The following GDA variants were observed in gnomAD, a reference collection of about 807,000 sequenced individuals.
The protein encoded by GDA is cytoplasmic PSD-95 interactor.
A neutral mutation model predicts 59.6 loss-of-function variants in GDA; 18 were observed. That is an observed-to-expected ratio of 0.30 (90% CI 0.21 to 0.45). The LOEUF is 0.45. GDA is among the 20% of genes least tolerant of loss of function. The pLI, the probability that GDA is intolerant of heterozygous loss-of-function variation, is 1.00. For missense variants in GDA, 427 were observed against 552.3 expected, an observed-to-expected ratio of 0.77 and a Z score of 2.27; for synonymous variants, 201 against 201.1, an observed-to-expected ratio of 1.00 and a Z score of 0.00.
intron 1 of GDA, among the ~76,000 whole-genome samples, chr9:72,125,298 T>TCTTCCTTC (rs1299404175): frequency 6.6e-6 from 1 of 151,568 alleles, no homozygotes; most frequent in African/African-American, 2.4e-5. Flanking sequence ...TTCCTTCCTT[T>TCTTCCTTC]CTTCCTTCCT....
intron 1 of GDA, among the ~76,000 whole-genome samples, chr9:72,141,034 T>G (rs980790572): frequency 2.0e-5 from 3 of 152,222 alleles, no homozygotes; most frequent in African/African-American, 7.2e-5. Context: ...TTTGGTAATA[T>G]GGACACTATG....
chr9:72,213,999 G>C lies in GDA; in HGVS notation c.578+8G>C. 7.0e-7 allele frequency: 1 copy of C among 1,433,768 alleles called. No homozygotes were observed. The highest frequency in any genetic ancestry group is 9.8e-7 in the Non-Finnish European group (1 of 1,015,738). 88.8% of individuals were successfully genotyped at this position (1,433,768 alleles called of 1,614,324 possible). A position where few individuals can be genotyped will look rare whatever the true frequency, so the allele number is the denominator to read the frequency against. ...GATCAAGGAAACTGAGAGGTAAAAG[G>C]CCCATTTGTCTTGATTTGTCTTACA... is the stretch of plus-strand genomic sequence containing the variant. On this transcript the variant is annotated splice_region_variant and intron_variant, in intron 5 of 13. Coordinates refer to ENST00000358399, the MANE Select transcript of GDA (RefSeq NM_004293.5).
intron 1 of GDA, among the ~76,000 whole-genome samples, chr9:72,176,483 A>G (rs1372403231): frequency 6.6e-6 from 1 of 152,140 alleles, no homozygotes; most frequent in Non-Finnish European, 1.5e-5. Context: ...AGAACACCAC[A>G]TGGGTGTTTG....
At position 72,118,342 on chromosome 9, in the gene GDA, G is replaced by A. The variant is rs375558779; in HGVS notation, c.-100+3509G>A. 2.7e-5 allele frequency among the ~76,000 whole-genome samples: 4 copies of A among 148,416 alleles called. No individual in the cohort carries two copies. In the South Asian group the frequency reaches 8.5e-4, roughly 31 times the overall value. ...CAAAGAAAGAAAATTAATTCCTTAC[G>A]TCTTTCTTTAGAACCACTAAATACC... On this transcript the variant is annotated intron_variant, in intron 1 of 13. Coordinates refer to the GDA transcript ENST00000545168.
chr9:72,196,012 G>A (rs564506384), intron 2 of GDA, among the ~76,000 whole-genome samples: 1 of 152,280 alleles, frequency 6.6e-6, no homozygotes, highest in South Asian at 2.1e-4. Flanking sequence ...GGGTATGATA[G>A]AGGTTAACTA....
At chr9:72,137,207 A>T (rs1453896900) in intron 1 of GDA, among the ~76,000 whole-genome samples, 3 of 45,916 alleles carry the variant, frequency 6.5e-5, no homozygotes, top group East Asian at 5.4e-4. Context: ...TAAATAAATT[A>T]AAAAAAAAAA....
Position 72,248,316 on chromosome 9 carries a change from G to A in GDA, c.1339G>A (p.Val447Met). 6.2e-6 allele frequency: 10 copies of A among 1,613,652 alleles called. No homozygotes were observed. The highest frequency in any genetic ancestry group is 8.5e-6 in the Non-Finnish European group (10 of 1,179,564). Residue 447 changes from valine (V) to methionine (M), a missense_variant, in exon 14 of 14, where the codon GTG (valine) becomes ATG (methionine). Transcript: ENST00000358399. ...AGAGGTTTATGTGGGCGGAAAGCAG[G>A]TGGTTCCGTTTTCCAGCTCAGTGTA... is the stretch of plus-strand genomic sequence containing the variant. ...IEEVYVGGKQVVPFSSSV is the reference protein window; with the variant it reads ...IEEVYVGGKQMVPFSSSV
chr9:72,183,055 T>C (rs761540114), intron 1 of GDA, among the ~76,000 whole-genome samples: 77 of 152,218 alleles, frequency 5.1e-4, no homozygotes, highest in Non-Finnish European at 1.0e-3. Flanking sequence ...TGTATTTTCC[T>C]TACCAGAGCC....
In GDA at chr9:72,245,253, G is replaced by A. The variant is rs1840024311; in HGVS notation, c.1241G>A (p.Gly414Glu). 1.2e-6 allele frequency: 2 copies of A among 1,611,572 alleles called. No individual in the cohort carries two copies. The highest frequency in any genetic ancestry group is 1.7e-6 in the Non-Finnish European group (2 of 1,177,840). The stretch of plus-strand genomic sequence containing the variant: ...GACTCTCCCATTGACCTGTTTTATG[G>A]GGACTTTTTTGGTGATATTTCTGAG... ...ASDSPIDLFY[G>E]DFFGDISEAV... The change falls in exon 12 of 14, where the codon GGG (glycine) becomes GAG (glutamate). Residue 414 changes from glycine to glutamate, a missense_variant. By Grantham distance (98) the Gly-to-Glu change is moderately conservative. Transcript: ENST00000358399.
At chr9:72,128,249 G>A (rs965739025) in intron 1 of GDA, among the ~76,000 whole-genome samples, 6 of 152,242 alleles carry the variant, frequency 3.9e-5, no homozygotes, top group South Asian at 2.1e-4. Flanking sequence ...CTTAGTGAAA[G>A]TGGCAAGTGT....
At chr9:72,214,498 G>T (rs1485420865) in intron 5 of GDA, among the ~76,000 whole-genome samples, 1 of 151,870 alleles carries the variant, frequency 6.6e-6, no homozygotes, top group African/African-American at 2.4e-5. Flanking sequence ...GTTTCACTAT[G>T]TTGGCTGGGC....
At chr9:72,120,609 G>A (rs1009829417) in intron 1 of GDA, among the ~76,000 whole-genome samples, 4 of 152,166 alleles carry the variant, frequency 2.6e-5, no homozygotes, top group Non-Finnish European at 5.9e-5. Context: ...CCATATCACT[G>A]CAGGTAAGAA....
chr9:72,125,603 A>G (rs2130593389), intron 1 of GDA, among the ~76,000 whole-genome samples: 1 of 152,356 alleles, frequency 6.6e-6, no homozygotes, highest in East Asian at 1.9e-4. Flanking sequence ...ACTATATGAT[A>G]TATTGTTATC....
chr9:72,123,507 G>A (rs992699874), intron 1 of GDA, among the ~76,000 whole-genome samples: 5 of 80,626 alleles, frequency 6.2e-5, no homozygotes, highest in African/African-American at 2.6e-4. Flanking sequence ...TTTTTTTTGA[G>A]ACAGAATTTC....
chr9:72,192,601 G>A (rs1231183718), intron 1 of GDA, among the ~76,000 whole-genome samples: 2 of 150,974 alleles, frequency 1.3e-5, no homozygotes, highest in Non-Finnish European at 1.5e-5. Flanking sequence ...AACACTCTGG[G>A]CCGGGCACAT....
chr9:72,229,453 A>G (rs1030921981), intron 9 of GDA, among the ~76,000 whole-genome samples: 21 of 152,304 alleles, frequency 1.4e-4, no homozygotes, highest in Middle Eastern at 3.4e-3. Flanking sequence ...GGAAGTTACC[A>G]CTGTGGGCTC....
intron 1 of GDA, among the ~76,000 whole-genome samples, chr9:72,117,611 T>C (rs1316990621): frequency 6.6e-6 from 1 of 152,196 alleles, no homozygotes; most frequent in African/African-American, 2.4e-5. Context: ...ATGCTCTCTT[T>C]CTGTGTTCAC....
chr9:72,234,335 T>G (rs1032796560), intron 10 of GDA, among the ~76,000 whole-genome samples: 3 of 152,198 alleles, frequency 2.0e-5, no homozygotes, highest in African/African-American at 4.8e-5. Context: ...TTAGTTTTTT[T>G]GCAAAATAGT....
At position 72,219,708 on chromosome 9, in the gene GDA, A is replaced by G. The variant is rs948394187; in HGVS notation, c.606+202A>G. 8.5e-5 allele frequency among the ~76,000 whole-genome samples: 13 copies of G among 152,344 alleles called. No homozygotes were observed. In the East Asian group the frequency reaches 1.5e-3, roughly 18 times the overall value. ...GACATTTTTAAAAAATTATCTTAAA[A>G]TATTTAATTGACAAAAATTGAATCC... On this transcript the variant is annotated intron_variant, in intron 6 of 13. Coordinates refer to ENST00000358399, the MANE Select transcript of GDA (RefSeq NM_004293.5).
Sources: allele counts gnomAD v4.1 joint callset (sites outside exome capture counted in the v4.1 genomes callset), GRCh38; gene constraint gnomAD v4.1.1; transcripts MANE v1.5; gene names NCBI Gene and HGNC (gene_info 2026-07-23, HGNC 2026-07-21).